The following SMG6 variants were observed in gnomAD, a reference collection of about 807,000 sequenced individuals.
The protein encoded by SMG6 is SMG6 nonsense mediated mRNA decay factor.
Under a neutral mutation model 142.2 loss-of-function variants are expected in SMG6, and 66 were observed. The observed-to-expected ratio is 0.46, with a 90% CI of 0.38 to 0.57. The LOEUF (loss-of-function observed/expected upper bound fraction) is 0.57, where lower values mean the gene tolerates loss of function less well. Among genes scored for constraint, SMG6 ranks in the 20% least tolerant of loss-of-function variants. The pLI is 0.00. For missense variants in SMG6, 1,793 were observed against 1,832.0 expected, an observed-to-expected ratio of 0.98 and a Z score of 0.39; for synonymous variants, 779 against 702.4, an observed-to-expected ratio of 1.11 and a Z score of -1.72.
Position 2,155,801 on chromosome 17 carries a change from A to C in SMG6, c.3357+16857T>G, listed in dbSNP as rs1454559400. Among the ~76,000 whole-genome samples the C allele has an allele frequency of 3.3e-5, 5 of 152,222 alleles. No individual in the cohort carries two copies. The East Asian group carries it at 9.6e-4, about 29-fold the overall frequency. Reference sequence around the variant, plus strand: ...TGCAGAGAAAAGGTCTTTTCATTTAAATGGAGGAAGCTGCCATGTCTACCT... The same window carrying C: ...TGCAGAGAAAAGGTCTTTTCATTTACATGGAGGAAGCTGCCATGTCTACCT... On this transcript the variant is annotated intron_variant, in intron 13 of 18. Coordinates refer to ENST00000263073, the MANE Select transcript of SMG6 (RefSeq NM_017575.5).
chr17:2,085,710 C>T lies in SMG6; in HGVS notation c.3534+15G>A, dbSNP rs1322906645. ...GGCCTTCCCTCTGCCACAGCGGGCT[C>T]TTCCCGCATAGTACCTCATCTTCCA... is the stretch of plus-strand genomic sequence containing the variant. On this transcript the variant is annotated intron_variant, in intron 14 of 18. Transcript: ENST00000263073. This position sits in a 1 kb window ranked among gnomAD's most constrained non-coding sequence, Gnocchi z 4.1. 6.2e-7 allele frequency: 1 copy of T among 1,605,744 alleles called. No individual in the cohort carries two copies. Among genetic ancestry groups the T allele is most frequent in the Non-Finnish European group, 8.5e-7 (1 of 1,175,928 alleles).
rs572941252 is a variant in SMG6 at position 2,083,174 on chromosome 17, T to C, written c.3535-1218A>G. Among the ~76,000 whole-genome samples the C allele has an allele frequency of 1.0e-3, 158 of 152,306 alleles. 1 individual carries two copies. Among genetic ancestry groups the C allele is most frequent in the South Asian group, 3.7e-3 (18 of 4,830 alleles). ...CCAGAAGCTCAGATCCAGCCCTCAG[T>C]GGCTCAGCATCGTGAGGCCTGCTGC... On this transcript the variant is annotated intron_variant, in intron 14 of 18. Coordinates refer to ENST00000263073, the MANE Select transcript of SMG6 (RefSeq NM_017575.5).
intron 8 of SMG6, among the ~76,000 whole-genome samples, chr17:2,245,978 G>C (rs1208147495): frequency 6.6e-6 from 1 of 152,164 alleles, no homozygotes; most frequent in African/African-American, 2.4e-5. Context: ...CACTGCACCT[G>C]GCTGAATCTG....
At chr17:2,156,478 G>A (rs916489345) in intron 13 of SMG6, among the ~76,000 whole-genome samples, 1 of 147,758 alleles carries the variant, frequency 6.8e-6, no homozygotes, top group Non-Finnish European at 1.5e-5. Context: ...TATCCTCAGG[G>A]AAATTAGCAT....
At chr17:2,168,753 T>C (rs964200595) in intron 13 of SMG6, among the ~76,000 whole-genome samples, 1 of 151,820 alleles carries the variant, frequency 6.6e-6, no homozygotes, top group East Asian at 2.0e-4. Context: ...TTTGTGTTGT[T>C]TTGTTTTGTT....
chr17:2,178,424 T>C (rs2071710604), intron 12 of SMG6, among the ~76,000 whole-genome samples: 1 of 152,156 alleles, frequency 6.6e-6, no homozygotes, highest in Non-Finnish European at 1.5e-5. Context: ...CCTTCTATCT[T>C]TCTCATTTAT....
intron 9 of SMG6, 109 bp from the exon 10 acceptor site, chr17:2,236,746 C>G: frequency 1.1e-6 from 1 of 883,590 alleles, no homozygotes; most frequent in South Asian, 2.8e-5. Flanking sequence ...CACACACACA[C>G]ACACACCAGA....
chr17:2,061,043 C>G lies in SMG6; in HGVS notation c.*449G>C, dbSNP rs1249973256. ...TTAACCAAAGCCTCTTGAACACATT[C>G]ACGACAGAGGTTCTGAAGATGAAAG... is the stretch of plus-strand genomic sequence containing the variant. On this transcript the variant is annotated 3_prime_UTR_variant, in exon 19 of 19. Coordinates refer to ENST00000263073, the MANE Select transcript of SMG6 (RefSeq NM_017575.5). 1.2e-5 allele frequency: 2 copies of G among 162,930 alleles called. No homozygotes were observed. The highest frequency in any genetic ancestry group is 4.8e-5 in the African/African-American group (2 of 41,646). The allele number at this position is 162,930 out of a possible 1,614,324, so 10.1% of individuals were successfully genotyped here. A position where few individuals can be genotyped will look rare whatever the true frequency, so the allele number is the denominator to read the frequency against.
intron 13 of SMG6, among the ~76,000 whole-genome samples, chr17:2,097,548 T>G (rs1177243145): frequency 6.6e-6 from 1 of 152,230 alleles, no homozygotes; most frequent in Non-Finnish European, 1.5e-5. Context: ...GCCATTCTAT[T>G]TTTGGACTTT....
intron 10 of SMG6, among the ~76,000 whole-genome samples, chr17:2,201,896 T>C (rs1255822589): frequency 2.0e-5 from 3 of 151,620 alleles, no homozygotes; most frequent in Non-Finnish European, 2.9e-5. Context: ...TGGTGGCAGG[T>C]GCCTGTAATC....
chr17:2,206,248 T>C (rs953729261), intron 10 of SMG6, among the ~76,000 whole-genome samples: 5 of 152,090 alleles, frequency 3.3e-5, no homozygotes, highest in African/African-American at 1.2e-4. Context: ...CCAAAACCCA[T>C]ATATAGGAAT....
Position 2,297,976 on chromosome 17 carries a change from G to A in SMG6, c.1927C>T (p.Leu643=), listed in dbSNP as rs750506689. Residue 643 remains leucine, a synonymous_variant, in exon 3 of 19, where the codon CTG becomes TTG. Transcript: ENST00000263073. ...FSDNQNVDQI[L]WKNAFYQVIE... is the part of the protein sequence containing the mutation. The stretch of plus-strand genomic sequence containing the variant: ...ACCTGATAGAAAGCATTCTTCCACA[G>A]GATCTGATCCACATTCTGATTATCA... 13 of 1,613,272 alleles carry A rather than the reference G, an allele frequency of 8.1e-6. No homozygotes were observed. The East Asian group carries it at 2.5e-4, about 30-fold the overall frequency.
intron 8 of SMG6, among the ~76,000 whole-genome samples, chr17:2,246,531 T>C (rs553212256): frequency 9.8e-5 from 15 of 152,382 alleles, no homozygotes; most frequent in Admixed American, 5.2e-4. Context: ...GTTCACTCTA[T>C]TTTTGCTTTA....
At chr17:2,114,017 C>G (rs1388054034) in intron 13 of SMG6, among the ~76,000 whole-genome samples, 1 of 152,202 alleles carries the variant, frequency 6.6e-6, no homozygotes, top group Non-Finnish European at 1.5e-5. Flanking sequence ...CCTGTAATCT[C>G]AGCAGTTTGG....
intron 13 of SMG6, among the ~76,000 whole-genome samples, chr17:2,113,549 C>A (rs899586024): frequency 3.9e-5 from 6 of 152,178 alleles, no homozygotes; most frequent in African/African-American, 1.2e-4. Context: ...TTAAATGGGT[C>A]TCTGGGTTAT....
rs1175548055 is a variant in SMG6 at position 2,303,645 on chromosome 17, C to T, written c.76G>A (p.Ala26Thr). ...RGILATLAPQ[A>T]GSRENMKELK... The stretch of plus-strand genomic sequence containing the variant: ...CGGCGCGACTCACCTCTGCTCCCGG[C>T]CTGCGGGGCCAGAGTAGCCAGGATC... Residue 26 changes from alanine to threonine, a missense_variant, in exon 1 of 19, where the codon GCC becomes ACC. Ala to Thr is a moderately conservative substitution (Grantham distance 58, BLOSUM62 0). Coordinates refer to ENST00000263073, the MANE Select transcript of SMG6 (RefSeq NM_017575.5). 5 of 1,486,930 alleles carry T rather than the reference C, an allele frequency of 3.4e-6. No homozygotes were observed. The highest frequency in any genetic ancestry group is 4.4e-6 in the Non-Finnish European group (5 of 1,125,302). 92.1% of individuals were successfully genotyped at this position (1,486,930 alleles called of 1,614,324 possible).
chr17:2,066,310 A>ATG (rs147459312), intron 16 of SMG6, among the ~76,000 whole-genome samples: 15 of 147,766 alleles, frequency 1.0e-4, no homozygotes, highest in East Asian at 5.9e-4. Context: ...GTGTACATGT[A>ATG]TGTGTGTGTG....
Position 2,061,468 on chromosome 17 carries a change from G to GGA in SMG6, c.*23_*24insTC. ...TGGCCTTTCAGGAACGGTTCCACGGGGGGGGGGCCCCAGTGTGGCTCCCTC... is the reference window on the plus strand; with the variant it reads ...TGGCCTTTCAGGAACGGTTCCACGGGGAGGGGGGGCCCCAGTGTGGCTCCCTC... On this transcript the variant is annotated 3_prime_UTR_variant, in exon 19 of 19. Coordinates refer to ENST00000263073, the MANE Select transcript of SMG6 (RefSeq NM_017575.5). The GGA allele has an allele frequency of 6.4e-7, 1 of 1,565,294 alleles. No individual in the cohort carries two copies.
At chr17:2,149,167 T>A (rs867738619) in intron 13 of SMG6, among the ~76,000 whole-genome samples, 1 of 151,872 alleles carries the variant, frequency 6.6e-6, no homozygotes, top group African/African-American at 2.4e-5. Context: ...CTGGCCAACA[T>A]GGCGAAACCC....
Sources: allele counts gnomAD v4.1 joint callset (sites outside exome capture counted in the v4.1 genomes callset), GRCh38; gene constraint gnomAD v4.1.1; non-coding constraint Gnocchi (gnomAD v3.1); transcripts MANE v1.5; gene names NCBI Gene and HGNC (gene_info 2026-07-23, HGNC 2026-07-21).